Variants in SUZ12 observed in about 807,000 individuals in gnomAD.
SUZ12 encodes SUZ12 polycomb repressive complex 2 subunit, also known as polycomb protein SUZ12.
Under a neutral mutation model 87.3 loss-of-function variants are expected in SUZ12, and 17 were observed. That is an observed-to-expected ratio of 0.19 (90% CI 0.13 to 0.29). The LOEUF is 0.29. SUZ12 is among the 10% of genes least tolerant of loss of function. The pLI, the probability that SUZ12 is intolerant of heterozygous loss-of-function variation, is 1.00. For synonymous variants in SUZ12, 253 were observed against 312.4 expected (o/e 0.81, Z 2.01); for missense variants, 526 against 912.2 (o/e 0.58, Z 5.45).
intron 3 of SUZ12, among the ~76,000 whole-genome samples, chr17:31,945,496 G>GT (rs1906585399): frequency 6.6e-6 from 1 of 152,180 alleles, no homozygotes; most frequent in Non-Finnish European, 1.5e-5. Context: ...CGTGTGAGCT[G>GT]TTTCTGAAGT....
intron 4 of SUZ12, among the ~76,000 whole-genome samples, chr17:31,961,428 T>TC (rs1907705367): frequency 6.6e-6 from 1 of 151,930 alleles, no homozygotes; most frequent in Admixed American, 6.6e-5. Flanking sequence ...ACACCTGTAA[T>TC]CCCAGCTACT....
intron 10 of SUZ12, among the ~76,000 whole-genome samples, chr17:31,992,468 G>A (rs1909768838): frequency 6.6e-6 from 1 of 152,060 alleles, no homozygotes; most frequent in African/African-American, 2.4e-5. Flanking sequence ...GGAGTGTAGT[G>A]GTGCGATCTC....
In SUZ12 at chr17:31,999,809, G is replaced by A. The variant is rs545736350; in HGVS notation, c.*806G>A. 11 of 231,494 alleles carry A rather than the reference G, an allele frequency of 4.8e-5. No homozygotes were observed. In the South Asian group the frequency reaches 5.4e-4, roughly 11 times the overall value. 14.3% of individuals were successfully genotyped at this position (231,494 alleles called of 1,614,324 possible). ...TTCTTTTTTAATTAGATAATCACAC[G>A]GAAAATTAAGCTGTTCATATCTTTA... On this transcript the variant is annotated 3_prime_UTR_variant, in exon 16 of 16. Coordinates refer to ENST00000322652, the MANE Select transcript of SUZ12 (RefSeq NM_015355.4).
chr17:31,996,933 G>T, intron 15 of SUZ12, 56 bp downstream of exon 15: 1 of 1,071,782 alleles, frequency 9.3e-7, no homozygotes, highest in Non-Finnish European at 1.3e-6. Flanking sequence ...GTCTTTTGCT[G>T]TTTCACATTC....
chr17:31,998,968 G>C lies in SUZ12; in HGVS notation c.2185G>C (p.Gly729Arg). The C allele has an allele frequency of 1.3e-6, 2 of 1,584,048 alleles. No individual in the cohort carries two copies. Among genetic ancestry groups the C allele is most frequent in the Middle Eastern group, 1.7e-4 (1 of 5,896 alleles). The change falls in exon 16 of 16, where the codon GGG becomes CGG. Residue 729 changes from glycine (G) to arginine (R), a missense_variant. Around this residue, in one of 9 missense-constraint regions of SUZ12, gnomAD observed 56 missense variants for 56.6 expected, o/e 0.99. Coordinates refer to ENST00000322652, the MANE Select transcript of SUZ12 (RefSeq NM_015355.4). ...EKALETDSVSGVSKQSKKQKL is the reference protein window; with the variant it reads ...EKALETDSVSRVSKQSKKQKL ...AGCTTTGGAAACAGATAGTGTCTCA[G>C]GGGTTTCAAAACAGAGCAAAAAACA...
chr17:31,946,765 C>T (rs72823785), intron 3 of SUZ12, among the ~76,000 whole-genome samples: 16,018 of 152,186 alleles, frequency 0.11, 1,063 homozygotes, highest in Middle Eastern at 0.15. Context: ...TAGAACATGT[C>T]ATAGACCACC....
chr17:31,963,874 C>G (rs1445182095), intron 4 of SUZ12: 1 of 152,284 alleles, frequency 6.6e-6, no homozygotes, highest in Non-Finnish European at 1.5e-5. Flanking sequence ...AAGTACCAAC[C>G]AGGCCCAACC....
chr17:31,944,208 C>G (rs1251305593), intron 3 of SUZ12, among the ~76,000 whole-genome samples: 11 of 151,596 alleles, frequency 7.3e-5, no homozygotes, highest in Non-Finnish European at 1.6e-4. Flanking sequence ...GGCTCACTGC[C>G]ACTTCCACCT....
At position 31,942,867 on chromosome 17, in the gene SUZ12, C is replaced by T. The variant is rs557793037; in HGVS notation, c.386+2381C>T. Reference sequence around the variant, plus strand: ...TGAGAGTATCAGGTGAACAAGTTTACATTTAAAGGCGAGAATTGTGTTAAG... The same window carrying T: ...TGAGAGTATCAGGTGAACAAGTTTATATTTAAAGGCGAGAATTGTGTTAAG... On this transcript the variant is annotated intron_variant, in intron 3 of 15. Transcript: ENST00000322652. Among the ~76,000 whole-genome samples, 9 of 152,286 alleles carry T rather than the reference C, an allele frequency of 5.9e-5. No individual in the cohort carries two copies. In the South Asian group the frequency reaches 1.9e-3, roughly 32 times the overall value.
intron 1 of SUZ12, 92 bp from the exon 2 acceptor site, chr17:31,940,194 A>G (rs908299164): frequency 1.3e-6 from 2 of 1,531,046 alleles, no homozygotes; most frequent in African/African-American, 1.4e-5. Flanking sequence ...ATAGCAGATG[A>G]TAAGTTTATA....
Position 31,998,984 on chromosome 17 carries a change from G to T in SUZ12, c.2201G>T (p.Ser734Ile), listed in dbSNP as rs1450031319. ...AGTGTCTCAGGGGTTTCAAAACAGAGCAAAAAACAAAAACTCTGAAAAGCT... is the reference window on the plus strand; with the variant it reads ...AGTGTCTCAGGGGTTTCAAAACAGATCAAAAAACAAAAACTCTGAAAAGCT... ...TDSVSGVSKQSKKQKL is the reference protein window; with the variant it reads ...TDSVSGVSKQIKKQKL The change falls in exon 16 of 16, where the codon AGC becomes ATC. Residue 734 changes from serine (S) to isoleucine (I), a missense_variant. Ser to Ile is a moderately radical substitution (Grantham distance 142). Around this residue, in one of 9 missense-constraint regions of SUZ12, gnomAD observed 56 missense variants for 56.6 expected, o/e 0.99. Transcript: ENST00000322652. The T allele has an allele frequency of 6.5e-7, 1 of 1,547,608 alleles. No individual in the cohort carries two copies. Among genetic ancestry groups the T allele is most frequent in the Non-Finnish European group, 8.7e-7 (1 of 1,153,678 alleles).
In SUZ12 at chr17:31,949,721, T is replaced by C. The variant is rs1462615643; in HGVS notation, c.455+2036T>C. On this transcript the variant is annotated intron_variant, in intron 4 of 15. Coordinates refer to ENST00000322652, the MANE Select transcript of SUZ12 (RefSeq NM_015355.4). ...TTTTTTTTTTGAGACCAAGTCTCCC[T>C]CTTGCTGAGGCTGGAGTGCAGTGGC... Among the ~76,000 whole-genome samples the C allele has an allele frequency of 4.3e-5, 5 of 116,522 alleles. No individual in the cohort carries two copies. The East Asian group carries it at 1.1e-3, about 26-fold the overall frequency. 76.4% of individuals were successfully genotyped at this position (116,522 alleles called of 152,430 possible). A position where few individuals can be genotyped will look rare whatever the true frequency, so the allele number is the denominator to read the frequency against.
At chr17:31,942,018 G>A (rs1456527297) in intron 3 of SUZ12, among the ~76,000 whole-genome samples, 5 of 151,294 alleles carry the variant, frequency 3.3e-5, no homozygotes, top group Non-Finnish European at 4.4e-5. Flanking sequence ...ACACCCAGCT[G>A]ATTTTTTGTA....
chr17:31,938,122 C>T (rs1427909946), intron 1 of SUZ12, among the ~76,000 whole-genome samples: 1 of 152,162 alleles, frequency 6.6e-6, no homozygotes, highest in Non-Finnish European at 1.5e-5. Context: ...CCCCGGAATT[C>T]TGCTTTTTCT....
chr17:31,974,803 C>T (rs1301674365), intron 6 of SUZ12, among the ~76,000 whole-genome samples: 1 of 152,066 alleles, frequency 6.6e-6, no homozygotes, highest in Non-Finnish European at 1.5e-5. Flanking sequence ...GAAGTAGCTG[C>T]TGTAAGATAC....
At chr17:31,980,273 A>G (rs1402955181) in intron 8 of SUZ12, among the ~76,000 whole-genome samples, 10 of 151,910 alleles carry the variant, frequency 6.6e-5, no homozygotes, top group South Asian at 2.1e-4. Flanking sequence ...TATTTATTCA[A>G]TTAGTTTTAA....
chr17:31,969,219 A>G (rs374380232), intron 5 of SUZ12, among the ~76,000 whole-genome samples: 2 of 152,008 alleles, frequency 1.3e-5, no homozygotes, highest in Non-Finnish European at 2.9e-5. Flanking sequence ...ATCTCGGCTC[A>G]CCACAACCTC....
At chr17:31,986,955 ATC>A (rs1909453541) in intron 9 of SUZ12, among the ~76,000 whole-genome samples, 1 of 152,186 alleles carries the variant, frequency 6.6e-6, no homozygotes, top group South Asian at 2.1e-4. Context: ...AGACTACTTG[ATC>A]TCTCCTATAT....
At chr17:31,994,537 AT>A (rs761516532) in intron 12 of SUZ12, 26 bp from the exon 13 acceptor site, 31,662 of 1,118,786 alleles carry the variant, frequency 0.028, 14 homozygotes, top group South Asian at 0.043. Context: ...TACTTAATAT[AT>A]TTTTTTTTTT....
Sources: gnomAD v4.1 joint callset for allele counts (sites outside exome capture counted in the v4.1 genomes callset) on GRCh38, gnomAD v4.1.1 for gene constraint, gnomAD v4.1.1 regional missense constraint, MANE v1.5 for transcripts, NCBI Gene and HGNC (gene_info 2026-07-23, HGNC 2026-07-21) for gene names.